The following SMIM35 variants were observed in gnomAD, a reference collection of about 807,000 sequenced individuals.
SMIM35 encodes TMPRSS4 antisense RNA 1 (non-protein coding).
rs549462332 is a variant in SMIM35 at position 118,028,135 on chromosome 11, C to T, written c.8-12326G>A. ...GCAGGATCAACATATATTCAGAGGT[C>T]GTAACTATGGCCCTTCTATTCCATT... On this transcript the variant is annotated intron_variant, in intron 1 of 4. Coordinates refer to ENST00000689828, the MANE Select transcript of SMIM35 (RefSeq NM_001394165.1). 5.2e-4 allele frequency among the ~76,000 whole-genome samples: 79 copies of T among 152,186 alleles called. 1 individual carries two copies. The highest frequency in any genetic ancestry group is 6.2e-4 in the Non-Finnish European group (42 of 68,042).
At chr11:118,055,696 ACC>A (rs1944300055) in intron 1 of SMIM35, among the ~76,000 whole-genome samples, 1 of 152,002 alleles carries the variant, frequency 6.6e-6, no homozygotes, top group Non-Finnish European at 1.5e-5. Flanking sequence ...ACAAAACACC[ACC>A]CAATAGCTGC....
intron 4 of SMIM35, among the ~76,000 whole-genome samples, chr11:118,011,019 C>T (rs954133109): frequency 1.3e-5 from 2 of 152,338 alleles, no homozygotes; most frequent in Non-Finnish European, 2.9e-5. Flanking sequence ...AACAGAAACA[C>T]GCAAAGTCCA....
At chr11:118,024,655 T>G (rs902681527) in intron 1 of SMIM35, among the ~76,000 whole-genome samples, 7 of 152,142 alleles carry the variant, frequency 4.6e-5, no homozygotes, top group Admixed American at 4.6e-4. Flanking sequence ...GTATTTTTGG[T>G]AGAGGTGGGG....
At chr11:118,016,616 T>C (rs2058185455) in intron 1 of SMIM35, among the ~76,000 whole-genome samples, 1 of 152,180 alleles carries the variant, frequency 6.6e-6, no homozygotes, top group African/African-American at 2.4e-5. Context: ...GGTGCAGTGG[T>C]TGAACTCAGA....
chr11:118,018,957 G>A (rs75533777), intron 1 of SMIM35, among the ~76,000 whole-genome samples: 14,567 of 151,962 alleles, frequency 0.096, 964 homozygotes, highest in East Asian at 0.37. Flanking sequence ...ATTTTTCAAA[G>A]AATTCTAAAA....
intron 1 of SMIM35, among the ~76,000 whole-genome samples, chr11:118,037,835 T>C (rs750953394): frequency 1.7e-4 from 26 of 152,240 alleles, no homozygotes; most frequent in Non-Finnish European, 2.1e-4. Context: ...TCTTTCATTG[T>C]TGCCTCTGCT....
chr11:118,033,472 A>G (rs906425889), intron 1 of SMIM35, among the ~76,000 whole-genome samples: 22 of 151,866 alleles, frequency 1.4e-4, no homozygotes, highest in African/African-American at 5.1e-4. Flanking sequence ...TTTTTTTCCT[A>G]TTTCTTTACA....
At chr11:118,068,117 T>A (rs544996878) in intron 1 of SMIM35, among the ~76,000 whole-genome samples, 2 of 151,886 alleles carry the variant, frequency 1.3e-5, no homozygotes, top group East Asian at 3.9e-4. Context: ...GAGTTTCTCA[T>A]AACTGGAGCC....
At chr11:118,033,121 T>C (rs4936417) in intron 1 of SMIM35, among the ~76,000 whole-genome samples, 34,962 of 152,168 alleles carry the variant, frequency 0.23, 4,717 homozygotes, top group Non-Finnish European at 0.31. Flanking sequence ...CTTTGAACAA[T>C]TTTGGTAGCA....
chr11:118,082,180 G>T (rs1392443413), intron 1 of SMIM35, among the ~76,000 whole-genome samples: 1 of 152,182 alleles, frequency 6.6e-6, no homozygotes, highest in Non-Finnish European at 1.5e-5. Flanking sequence ...CCCATGTTGT[G>T]CTTTGAGAAG....
Position 118,045,830 on chromosome 11 carries a change from G to A in SMIM35, c.8-30021C>T, listed in dbSNP as rs1944090241. On this transcript the variant is annotated intron_variant, in intron 1 of 4. Transcript: ENST00000689828. The stretch of plus-strand genomic sequence containing the variant: ...GATCTTTTTAACTCTTGACCATCGG[G>A]ATATTTGCTTTAGCAGTGTGTGATG... 3.3e-5 allele frequency among the ~76,000 whole-genome samples: 5 copies of A among 152,302 alleles called. No homozygotes were observed. The South Asian group carries it at 1.0e-3, about 32-fold the overall frequency.
At chr11:118,020,324 G>A (rs917658679) in intron 1 of SMIM35, among the ~76,000 whole-genome samples, 2 of 152,008 alleles carry the variant, frequency 1.3e-5, no homozygotes, top group African/African-American at 4.8e-5. Flanking sequence ...TAAAATAAAC[G>A]CTCCACTCTA....
chr11:118,029,944 G>A, intron 1 of SMIM35: 1 of 360,796 alleles, frequency 2.8e-6, no homozygotes. Flanking sequence ...AATTCTCTCT[G>A]GTAAAATGAT....
chr11:118,078,550 C>T (rs1193831805), intron 1 of SMIM35, among the ~76,000 whole-genome samples: 1 of 152,208 alleles, frequency 6.6e-6, no homozygotes, highest in African/African-American at 2.4e-5. Context: ...AAGCTTCCTG[C>T]TTTCCCATCC....
chr11:118,056,460 T>G (rs1944311034), intron 1 of SMIM35, among the ~76,000 whole-genome samples: 1 of 152,068 alleles, frequency 6.6e-6, no homozygotes, highest in African/African-American at 2.4e-5. Context: ...AATGGGGACA[T>G]GCAGGAAGGC....
intron 1 of SMIM35, among the ~76,000 whole-genome samples, chr11:118,022,682 C>A (rs2058240857): frequency 6.6e-6 from 1 of 152,104 alleles, no homozygotes; most frequent in Admixed American, 6.5e-5. Context: ...TGCAGAGGGA[C>A]CCCCTCAAGT....
intron 2 of SMIM35, among the ~76,000 whole-genome samples, chr11:118,015,016 C>A (rs971864688): frequency 1.3e-5 from 2 of 152,208 alleles, no homozygotes; most frequent in Non-Finnish European, 2.9e-5. Flanking sequence ...ACGACTTTAG[C>A]CTCATGTCTC....
At chr11:118,018,600 A>C (rs2058201723) in intron 1 of SMIM35, among the ~76,000 whole-genome samples, 1 of 152,150 alleles carries the variant, frequency 6.6e-6, no homozygotes, top group Non-Finnish European at 1.5e-5. Context: ...GTGTTTGTGG[A>C]AGCTGGGGTT....
chr11:118,014,196 T>G (rs1316333686), intron 3 of SMIM35, among the ~76,000 whole-genome samples: 1 of 152,162 alleles, frequency 6.6e-6, no homozygotes, highest in African/African-American at 2.4e-5. Flanking sequence ...AGCAGAGACA[T>G]GAAATGCTTG....
Sources: allele counts gnomAD v4.1 joint callset (sites outside exome capture counted in the v4.1 genomes callset), GRCh38; gene constraint gnomAD v4.1.1; transcripts MANE v1.5; gene names NCBI Gene and HGNC (gene_info 2026-07-23, HGNC 2026-07-21).